The following ZNF415 variants were observed in gnomAD, a reference collection of about 807,000 sequenced individuals.
ZNF415 encodes the protein zinc finger protein 415.
A neutral mutation model predicts 7.3 loss-of-function variants in ZNF415; 5 were observed. That is an observed-to-expected ratio of 0.69 (90% CI 0.36 to 1.44). The LOEUF (loss-of-function observed/expected upper bound fraction) is 1.44, where lower values mean the gene tolerates loss of function less well. Ranked by LOEUF, ZNF415 falls within the 40% of genes most tolerant of loss-of-function variation. The probability of loss-of-function intolerance (pLI) is 0.04; values close to 1 mark genes in which losing one functional copy is unlikely to be tolerated. For missense variants in ZNF415, 628 were observed against 664.8 expected, an observed-to-expected ratio of 0.94 and a Z score of 0.61; for synonymous variants, 207 against 226.3, an observed-to-expected ratio of 0.91 and a Z score of 0.77.
At chr19:53,131,920 G>C (rs1303532008) in intron 1 of ZNF415, among the ~76,000 whole-genome samples, 3 of 151,560 alleles carry the variant, frequency 2.0e-5, no homozygotes, top group African/African-American at 4.9e-5. Flanking sequence ...GTCATCGGCT[G>C]CCCCCTCTTG....
In ZNF415 at chr19:53,108,995, A is replaced by G. The variant is rs1193881209; in HGVS notation, c.1050T>C (p.His350=). Residue 350 remains histidine (H), a synonymous_variant, in exon 4 of 4, where the codon CAT becomes CAC. Coordinates refer to ENST00000243643, the MANE Select transcript of ZNF415 (RefSeq NM_018355.4). ...TGCATTTGTAAGGTTTCTTGCCACT[A>G]TGAATTACCTGATGGTTGGTAAGTG... is the stretch of plus-strand genomic sequence containing the variant. The part of the protein sequence containing the change: ...RSTLTNHQVI[H]SGKKPYKCNE... The G allele has an allele frequency of 7.4e-6, 12 of 1,614,144 alleles. No individual in the cohort carries two copies. Among genetic ancestry groups the G allele is most frequent in the Non-Finnish European group, 9.3e-6 (11 of 1,180,016 alleles).
intron 3 of ZNF415, among the ~76,000 whole-genome samples, chr19:53,114,229 T>C (rs2086666632): frequency 6.6e-6 from 1 of 152,184 alleles, no homozygotes; most frequent in Non-Finnish European, 1.5e-5. Flanking sequence ...CAGGCTGTAG[T>C]GCAGCGGTGC....
chr19:53,119,067 T>TC (rs1376469135), intron 2 of ZNF415, among the ~76,000 whole-genome samples: 2 of 152,118 alleles, frequency 1.3e-5, no homozygotes, highest in African/African-American at 4.8e-5. Context: ...GATCACGAGG[T>TC]CAGGAGATCA....
Position 53,108,455 on chromosome 19 carries a change from C to T in ZNF415, c.1590G>A (p.Gly530=), listed in dbSNP as rs757722473. The change falls in exon 4 of 4, where the codon GGG becomes GGA. Residue 530 remains glycine (G), a synonymous_variant. Coordinates refer to ENST00000243643, the MANE Select transcript of ZNF415 (RefSeq NM_018355.4). ...GKKPYKCSDC[G]KSFSVRPNLF... Reference sequence around the variant, plus strand: ...GGTTTGGGCGCACACTAAAGGACTTCCCACAATCACTACATTTGTAAGGTT... The same window carrying T: ...GGTTTGGGCGCACACTAAAGGACTTTCCACAATCACTACATTTGTAAGGTT... 3 of 1,613,824 alleles carry T rather than the reference C, an allele frequency of 1.9e-6. No individual in the cohort carries two copies. Among genetic ancestry groups the T allele is most frequent in the Non-Finnish European group, 2.5e-6 (3 of 1,179,952 alleles).
Position 53,109,716 on chromosome 19 carries a change from A to C in ZNF415, c.329T>G (p.Val110Gly). Reference sequence around the variant, plus strand: ...AAGATTTTCTTTTGGGGCCGTAGTCACTTTGTTGCAATTTCTTTCATCATC... The same window carrying C: ...AAGATTTTCTTTTGGGGCCGTAGTCCCTTTGTTGCAATTTCTTTCATCATC... ...WRDDERNCNK[V>G]TTAPKENLTC... Residue 110 changes from valine (V) to glycine (G), a missense_variant, in exon 4 of 4, where the codon GTG (valine) becomes GGG (glycine). Coordinates refer to ENST00000243643, the MANE Select transcript of ZNF415 (RefSeq NM_018355.4). The C allele has an allele frequency of 6.2e-7, 1 of 1,613,888 alleles. No individual in the cohort carries two copies.
intron 1 of ZNF415, among the ~76,000 whole-genome samples, chr19:53,130,255 G>C (rs1387577806): frequency 6.6e-6 from 1 of 152,024 alleles, no homozygotes; most frequent in Non-Finnish European, 1.5e-5. Flanking sequence ...CCATGTTAAG[G>C]TAAAAACATC....
chr19:53,114,648 T>C (rs2086731328), intron 3 of ZNF415, among the ~76,000 whole-genome samples: 1 of 152,134 alleles, frequency 6.6e-6, no homozygotes, highest in African/African-American at 2.4e-5. Context: ...TACAGAGGGA[T>C]CCTAAGCTAA....
rs749057405 is a variant in ZNF415, at chr19:53,109,791, C to G, written c.254G>C (p.Cys85Ser). ...TATTTTTTTCTTGATTTCCCTGAAG[C>G]AAAACTCTTCAATGTCATGTTTTTC... ...QHEKHDIEEF[C>S]FREIKKKIHD... The change falls in exon 4 of 4, where the codon TGC becomes TCC. Residue 85 changes from cysteine to serine, a missense_variant. Coordinates refer to ENST00000243643, the MANE Select transcript of ZNF415 (RefSeq NM_018355.4). 6.2e-7 allele frequency: 1 copy of G among 1,613,996 alleles called. No individual in the cohort carries two copies. Among genetic ancestry groups the G allele is most frequent in the East Asian group, 2.2e-5 (1 of 44,862 alleles).
chr19:53,111,939 T>C (rs565470453), intron 3 of ZNF415, among the ~76,000 whole-genome samples: 1 of 152,106 alleles, frequency 6.6e-6, no homozygotes, highest in African/African-American at 2.4e-5. Context: ...AGGCTCAGAC[T>C]TTTTTTTATT....
At chr19:53,114,575 A>G (rs1302543439) in intron 3 of ZNF415, among the ~76,000 whole-genome samples, 1 of 152,204 alleles carries the variant, frequency 6.6e-6, no homozygotes, top group Non-Finnish European at 1.5e-5. Flanking sequence ...CGGAAAAGAG[A>G]GAAAAATACA....
chr19:53,127,398 G>C (rs1452735304), intron 1 of ZNF415, among the ~76,000 whole-genome samples: 3 of 152,054 alleles, frequency 2.0e-5, no homozygotes, highest in African/African-American at 7.3e-5. Context: ...AAATATCTTA[G>C]GGTCTCACTG....
rs145985814 is a variant in ZNF415 at position 53,109,301 on chromosome 19, C to G, written c.744G>C (p.Leu248=). The change falls in exon 4 of 4, where the codon CTG becomes CTC. Residue 248 remains leucine, a synonymous_variant. Transcript: ENST00000243643. ...ATTTTTGACTAAAGACCTTGCCACACAGATCACATTTATATCCTTTCTCTC... is the reference window on the plus strand; with the variant it reads ...ATTTTTGACTAAAGACCTTGCCACAGAGATCACATTTATATCCTTTCTCTC... ...HSGEKGYKCD[L]CGKVFSQKSN... The G allele has an allele frequency of 6.2e-7, 1 of 1,614,182 alleles. No homozygotes were observed. Among genetic ancestry groups the G allele is most frequent in the South Asian group, 1.1e-5 (1 of 91,078 alleles).
chr19:53,108,463 C>T lies in ZNF415; in HGVS notation c.1582G>A (p.Asp528Asn). ...HTGKKPYKCS[D>N]CGKSFSVRPN... is the part of the protein sequence containing the mutation. ...CGCACACTAAAGGACTTCCCACAAT[C>T]ACTACATTTGTAAGGTTTCTTTCCA... The change falls in exon 4 of 4, where the codon GAT becomes AAT. Residue 528 changes from aspartate (D) to asparagine (N), a missense_variant. Asp to Asn is a conservative substitution (Grantham distance 23, BLOSUM62 1). Coordinates refer to ENST00000243643, the MANE Select transcript of ZNF415 (RefSeq NM_018355.4). 1.9e-6 allele frequency: 3 copies of T among 1,614,162 alleles called. No homozygotes were observed. In the African/African-American group the frequency reaches 4.0e-5, roughly 22 times the overall value.
chr19:53,118,339 C>A (rs1464291109), intron 2 of ZNF415, among the ~76,000 whole-genome samples: 1 of 152,140 alleles, frequency 6.6e-6, no homozygotes. Context: ...AAGGGAGAGA[C>A]ACAATCCAAA....
intron 1 of ZNF415, 95 bp from the exon 2 acceptor site, chr19:53,122,838 G>T: frequency 1.0e-6 from 1 of 954,650 alleles, no homozygotes; most frequent in Non-Finnish European, 1.6e-6. Context: ...AGCTCGCCCT[G>T]TGCAAAGACG....
intron 1 of ZNF415, among the ~76,000 whole-genome samples, chr19:53,127,831 C>T (rs1234859352): frequency 4.7e-5 from 7 of 148,250 alleles, no homozygotes; most frequent in African/African-American, 2.5e-5. Flanking sequence ...GGGCCAGGAT[C>T]GCACCACTGC....
Position 53,109,485 on chromosome 19 carries a change from G to A in ZNF415, c.560C>T (p.Thr187Ile). 6.2e-7 allele frequency: 1 copy of A among 1,614,072 alleles called. No individual in the cohort carries two copies. Among genetic ancestry groups the A allele is most frequent in the Non-Finnish European group, 8.5e-7 (1 of 1,179,982 alleles). The part of the protein sequence containing the change: ...PPQIISSTIK[T>I]HVSNKYGTDF... ...AGTCCCATATTTATTAGAAACATGG[G>A]TTTTGATGGTAGAAGAAATTATTTG... Residue 187 changes from threonine (T) to isoleucine (I), a missense_variant, in exon 4 of 4, where the codon ACC becomes ATC. Coordinates refer to ENST00000243643, the MANE Select transcript of ZNF415 (RefSeq NM_018355.4).
intron 2 of ZNF415, among the ~76,000 whole-genome samples, chr19:53,119,835 C>A (rs559189284): frequency 6.6e-6 from 1 of 152,038 alleles, no homozygotes; most frequent in Admixed American, 6.6e-5. Context: ...ACACGAAGCA[C>A]CAAGACTGAA....
intron 1 of ZNF415, among the ~76,000 whole-genome samples, chr19:53,128,732 T>C (rs1367541199): frequency 8.9e-5 from 10 of 112,890 alleles, no homozygotes; most frequent in African/African-American, 3.1e-4. Flanking sequence ...CTGGAATAAA[T>C]AGCCACAGGA....
Sources: allele counts gnomAD v4.1 joint callset (sites outside exome capture counted in the v4.1 genomes callset), GRCh38; gene constraint gnomAD v4.1.1; transcripts MANE v1.5; gene names NCBI Gene and HGNC (gene_info 2026-07-23, HGNC 2026-07-21).